Variants in CNTNAP5 observed in about 807,000 individuals in gnomAD.
The protein encoded by CNTNAP5 is contactin-associated protein-like 5.
CNTNAP5 carries 72 observed loss-of-function variants against 150.2 expected under a neutral mutation model. The ratio of observed to expected loss-of-function variants is 0.48; its 90% confidence interval spans 0.40 to 0.58. CNTNAP5 has a LOEUF of 0.58. CNTNAP5 is among the 20% of genes least tolerant of loss of function. The pLI is 0.00. For missense variants in CNTNAP5, 1,636 were observed against 1,626.2 expected (o/e 1.01, Z -0.10); for synonymous variants, 672 against 619.8 (o/e 1.08, Z -1.25).
intron 19 of CNTNAP5, among the ~76,000 whole-genome samples, 182 bp downstream of exon 19, chr2:124,798,502 C>A (rs542343553): frequency 6.6e-6 from 1 of 152,174 alleles, no homozygotes; most frequent in Non-Finnish European, 1.5e-5. Flanking sequence ...GTATTCAGGG[C>A]CAGTGTCAAT....
At chr2:124,831,209 C>T (rs1682710140) in intron 19 of CNTNAP5, among the ~76,000 whole-genome samples, 1 of 151,912 alleles carries the variant, frequency 6.6e-6, no homozygotes, top group Admixed American at 6.6e-5. Flanking sequence ...CTTACCCAGA[C>T]CATTTATGAC....
At chr2:124,507,230 G>A (rs1694431475) in intron 8 of CNTNAP5, among the ~76,000 whole-genome samples, 1 of 152,220 alleles carries the variant, frequency 6.6e-6, no homozygotes, top group South Asian at 2.1e-4. Context: ...AGGCCAAGGA[G>A]GGCAGATCTC....
intron 10 of CNTNAP5, among the ~76,000 whole-genome samples, chr2:124,548,317 G>C (rs1042398076): frequency 1.1e-4 from 16 of 152,282 alleles, no homozygotes; most frequent in African/African-American, 3.8e-4. Context: ...GCCACCAGCA[G>C]TTTTATGGCG....
chr2:124,897,922 G>A (rs926338751), intron 21 of CNTNAP5, among the ~76,000 whole-genome samples: 1 of 144,828 alleles, frequency 6.9e-6, no homozygotes, highest in Non-Finnish European at 1.5e-5. Context: ...CATAAAAGCA[G>A]TAAGCAAATG....
At position 124,025,464 on chromosome 2, in the gene CNTNAP5, C is replaced by T. The variant is rs1680854367; in HGVS notation, c.-187C>T. 1 of 609,662 alleles carries T rather than the reference C, an allele frequency of 1.6e-6. No individual in the cohort carries two copies. The highest frequency in any genetic ancestry group is 2.9e-6 in the Non-Finnish European group (1 of 339,274). 37.8% of individuals were successfully genotyped at this position (609,662 alleles called of 1,614,324 possible). On this transcript the variant is annotated 5_prime_UTR_variant, in exon 1 of 24. Transcript: ENST00000682447. ...GGGGACCGTAGCCCCAGCTGCAGCTCCGAAGAATCCCCCGCCACGGTTTCG... is the reference window on the plus strand; with the variant it reads ...GGGGACCGTAGCCCCAGCTGCAGCTTCGAAGAATCCCCCGCCACGGTTTCG...
chr2:124,875,132 T>C (rs1677827400), intron 21 of CNTNAP5, among the ~76,000 whole-genome samples: 1 of 152,066 alleles, frequency 6.6e-6, no homozygotes, highest in Non-Finnish European at 1.5e-5. Context: ...CCCTCAGGTT[T>C]AAACTTTGAG....
chr2:124,497,834 T>C (rs1694188327), intron 7 of CNTNAP5, among the ~76,000 whole-genome samples: 1 of 152,192 alleles, frequency 6.6e-6, no homozygotes, highest in African/African-American at 2.4e-5. Flanking sequence ...ACTGCAGTGG[T>C]TCCATCCTTG....
chr2:124,864,458 C>T (rs1301841684), intron 19 of CNTNAP5, among the ~76,000 whole-genome samples: 1 of 150,262 alleles, frequency 6.7e-6, no homozygotes, highest in Non-Finnish European at 1.5e-5. Context: ...ACTTATTCCT[C>T]CCATCTAGCT....
intron 4 of CNTNAP5, among the ~76,000 whole-genome samples, chr2:124,423,628 G>T (rs184487653): frequency 0.031 from 4,284 of 139,842 alleles, 101 homozygotes; most frequent in South Asian, 0.12. Flanking sequence ...TTACAGGCAT[G>T]AGCCACTGCG....
intron 10 of CNTNAP5, among the ~76,000 whole-genome samples, chr2:124,552,607 A>G (rs954571289): frequency 6.6e-6 from 1 of 152,080 alleles, no homozygotes; most frequent in Admixed American, 6.5e-5. Flanking sequence ...ATATACACAC[A>G]TGCACACACA....
intron 10 of CNTNAP5, among the ~76,000 whole-genome samples, chr2:124,535,725 C>T (rs548657128): frequency 2.5e-3 from 386 of 151,960 alleles, no homozygotes; most frequent in African/African-American, 8.9e-3. Context: ...TGCAGTGAGC[C>T]GAGATCGCGC....
chr2:124,444,973 A>G (rs1316009200), intron 5 of CNTNAP5, among the ~76,000 whole-genome samples: 1 of 152,106 alleles, frequency 6.6e-6, no homozygotes, highest in Non-Finnish European at 1.5e-5. Flanking sequence ...GAGCATCTCT[A>G]CACTAAGACC....
chr2:124,393,020 A>AT (rs1240825140), intron 3 of CNTNAP5, among the ~76,000 whole-genome samples: 1 of 151,910 alleles, frequency 6.6e-6, no homozygotes, highest in African/African-American at 2.4e-5. Flanking sequence ...ATTTTATTTT[A>AT]TTTTTTGTTT....
intron 18 of CNTNAP5, among the ~76,000 whole-genome samples, chr2:124,791,963 C>A (rs956930400): frequency 6.6e-6 from 1 of 152,020 alleles, no homozygotes; most frequent in Non-Finnish European, 1.5e-5. Flanking sequence ...AGTAAGATGG[C>A]CTTTTTAGTC....
At chr2:124,511,697 G>A (rs1399336732) in intron 8 of CNTNAP5, among the ~76,000 whole-genome samples, 4 of 152,166 alleles carry the variant, frequency 2.6e-5, no homozygotes, top group African/African-American at 9.7e-5. Flanking sequence ...TTTGAAACTG[G>A]CATAAATGGT....
At chr2:124,155,176 G>A (rs1297032927) in intron 1 of CNTNAP5, among the ~76,000 whole-genome samples, 1 of 145,028 alleles carries the variant, frequency 6.9e-6, no homozygotes, top group Non-Finnish European at 1.5e-5. Flanking sequence ...AGTCATTCAA[G>A]CTCTGCAGTT....
intron 5 of CNTNAP5, among the ~76,000 whole-genome samples, chr2:124,435,444 G>A (rs997464902): frequency 1.3e-5 from 2 of 151,864 alleles, no homozygotes; most frequent in African/African-American, 4.8e-5. Flanking sequence ...AAAGGCAGGA[G>A]CACAGTTCCC....
At chr2:124,853,205 G>T (rs1300686189) in intron 19 of CNTNAP5, among the ~76,000 whole-genome samples, 1 of 152,210 alleles carries the variant, frequency 6.6e-6, no homozygotes, top group Non-Finnish European at 1.5e-5. Flanking sequence ...TTGATGATGT[G>T]AGGGCCATAG....
intron 11 of CNTNAP5, among the ~76,000 whole-genome samples, chr2:124,580,284 G>A (rs1696380159): frequency 6.6e-6 from 1 of 152,240 alleles, no homozygotes; most frequent in South Asian, 2.1e-4. Flanking sequence ...CATATTTTAA[G>A]TTCAGCCTAA....
Sources: gnomAD v4.1 joint callset for allele counts (sites outside exome capture counted in the v4.1 genomes callset) on GRCh38, gnomAD v4.1.1 for gene constraint, MANE v1.5 for transcripts, NCBI Gene and HGNC (gene_info 2026-07-23, HGNC 2026-07-21) for gene names.